The following CSMD1 variants were observed in gnomAD, a reference collection of about 807,000 sequenced individuals.
CSMD1 encodes the protein CUB and Sushi multiple domains 1, also known as CUB and sushi domain-containing protein 1.
In CSMD1, 213 loss-of-function variants were observed where a neutral mutation model predicts 417.5. The ratio of observed to expected loss-of-function variants is 0.51; its 90% CI spans 0.46 to 0.57. The LOEUF (loss-of-function observed/expected upper bound fraction) is 0.57, where lower values mean the gene tolerates loss of function less well. Ranked by LOEUF, CSMD1 falls within the 20% of genes least tolerant of loss-of-function variation. The pLI is 0.00. For synonymous variants in CSMD1, 2,862 were observed against 1,736.8 expected, an observed-to-expected ratio of 1.65 and a Z score of -16.11; for missense variants, 6,923 against 4,529.7, an observed-to-expected ratio of 1.53 and a Z score of -15.17.
At chr8:3,452,361 G>C (rs865959987) in intron 12 of CSMD1, among the ~76,000 whole-genome samples, 5 of 152,292 alleles carry the variant, frequency 3.3e-5, no homozygotes, top group African/African-American at 9.6e-5. Flanking sequence ...ATGTTGAATA[G>C]CAGTGGTGAG....
intron 29 of CSMD1, among the ~76,000 whole-genome samples, chr8:3,217,833 G>T (rs534162136): frequency 3.1e-4 from 47 of 152,020 alleles, no homozygotes; most frequent in Non-Finnish European, 3.1e-4. Context: ...TGAGGTAAGA[G>T]ACATAAAATA....
At chr8:4,618,828 C>G (rs1585339980) in intron 2 of CSMD1, among the ~76,000 whole-genome samples, 2 of 152,122 alleles carry the variant, frequency 1.3e-5, no homozygotes, top group Non-Finnish European at 2.9e-5. Context: ...ACAGGATCTT[C>G]CATCTTACCT....
intron 65 of CSMD1, among the ~76,000 whole-genome samples, chr8:2,953,606 A>G (rs1244692286): frequency 2.0e-5 from 3 of 152,226 alleles, no homozygotes; most frequent in Non-Finnish European, 4.4e-5. Context: ...TTATTTAAAA[A>G]TAATTTAAAT....
chr8:4,150,181 A>G (rs1331867473), intron 3 of CSMD1, among the ~76,000 whole-genome samples: 2 of 152,216 alleles, frequency 1.3e-5, no homozygotes, highest in Non-Finnish European at 2.9e-5. Context: ...GTATGTCCTG[A>G]GGCATCTGTC....
intron 3 of CSMD1, among the ~76,000 whole-genome samples, chr8:4,183,236 T>C (rs1291888221): frequency 6.6e-6 from 1 of 152,184 alleles, no homozygotes; most frequent in Non-Finnish European, 1.5e-5. Context: ...GAAGATCATC[T>C]CTAAGAAAAT....
intron 3 of CSMD1, among the ~76,000 whole-genome samples, chr8:4,284,070 T>C (rs758093834): frequency 3.3e-5 from 5 of 152,080 alleles, no homozygotes; most frequent in African/African-American, 7.2e-5. Flanking sequence ...TGGTCTCTAC[T>C]AAAAATACAA....
At chr8:4,648,585 AT>A (rs140709076) in intron 1 of CSMD1, among the ~76,000 whole-genome samples, 9 of 151,568 alleles carry the variant, frequency 5.9e-5, no homozygotes, top group African/African-American at 1.5e-4. Flanking sequence ...AAAAAATGTG[AT>A]TTTTTTTTGC....
chr8:3,720,620 T>TTCTCTCACACACACACAC (rs72331833), intron 6 of CSMD1, among the ~76,000 whole-genome samples: 69 of 143,416 alleles, frequency 4.8e-4, no homozygotes, highest in Non-Finnish European at 7.0e-4. Flanking sequence ...TCTTTATTCT[T>TTCTCTCACACACACACAC]ACACACACAC....
rs190466083 is a variant in CSMD1, at chr8:4,625,068, C to A, written c.302+12274G>T. Reference sequence around the variant, plus strand: ...GAAGAATGACAGTCACATTTTAAAACAAAGTGTTCCTTAATTGGATGGGTC... The same window carrying A: ...GAAGAATGACAGTCACATTTTAAAAAAAAGTGTTCCTTAATTGGATGGGTC... On this transcript the variant is annotated intron_variant, in intron 2 of 69. Transcript: ENST00000635120. Among the ~76,000 whole-genome samples, 366 of 152,196 alleles carry A rather than the reference C, an allele frequency of 2.4e-3. 1 individual carries two copies. Among genetic ancestry groups the A allele is most frequent in the Middle Eastern group, 0.017 (5 of 294 alleles).
intron 2 of CSMD1, among the ~76,000 whole-genome samples, chr8:4,634,338 G>A (rs957048624): frequency 6.6e-6 from 1 of 152,094 alleles, no homozygotes; most frequent in African/African-American, 2.4e-5. Context: ...TATATATTCT[G>A]TTTTGTCAGC....
chr8:4,953,385 G>A (rs757706573), intron 1 of CSMD1, among the ~76,000 whole-genome samples: 4 of 152,172 alleles, frequency 2.6e-5, no homozygotes, highest in East Asian at 3.9e-4. Flanking sequence ...AGGACTATGC[G>A]ATCAACACAT....
intron 5 of CSMD1, among the ~76,000 whole-genome samples, chr8:3,784,023 G>A (rs568875601): frequency 5.3e-5 from 8 of 152,130 alleles, no homozygotes; most frequent in African/African-American, 1.2e-4. Context: ...GTTTATCATC[G>A]TACAACATGC....
chr8:4,596,762 G>C (rs1800301526), intron 2 of CSMD1, among the ~76,000 whole-genome samples: 1 of 152,164 alleles, frequency 6.6e-6, no homozygotes, highest in Non-Finnish European at 1.5e-5. Flanking sequence ...GATATGGATT[G>C]GCTGTATCCC....
Position 4,609,221 on chromosome 8 carries a change from GA to G in CSMD1, c.302+28120del, listed in dbSNP as rs886256572. Reference sequence around the variant, plus strand: ...TCCAGACCAGCCTGGACAAGATGGTGAAACCCTGTATCTACAAAAAAATGAA... The same window carrying G: ...TCCAGACCAGCCTGGACAAGATGGTGAACCCTGTATCTACAAAAAAATGAA... On this transcript the variant is annotated intron_variant, in intron 2 of 69. Transcript: ENST00000635120. Among the ~76,000 whole-genome samples the G allele has an allele frequency of 5.2e-4, 79 of 152,286 alleles. 2 individuals are homozygous for G. Among genetic ancestry groups the G allele is most frequent in the Non-Finnish European group, 1.8e-4 (12 of 68,026 alleles).
At chr8:4,234,099 A>G (rs1585069101) in intron 3 of CSMD1, among the ~76,000 whole-genome samples, 1 of 152,234 alleles carries the variant, frequency 6.6e-6, no homozygotes, top group Admixed American at 6.5e-5. Context: ...CTACACAAGT[A>G]CATCAAGTGC....
At chr8:3,937,137 G>A (rs535753491) in intron 5 of CSMD1, among the ~76,000 whole-genome samples, 2 of 152,306 alleles carry the variant, frequency 1.3e-5, no homozygotes, top group South Asian at 2.1e-4. Context: ...TCTTATGGAT[G>A]AGCAAAGAAA....
chr8:3,755,836 G>C (rs954922367), intron 5 of CSMD1, among the ~76,000 whole-genome samples: 1 of 152,084 alleles, frequency 6.6e-6, no homozygotes, highest in African/African-American at 2.4e-5. Context: ...ACACTGCTCA[G>C]ATTTGCCTCT....
chr8:3,966,606 T>G (rs1052204361), intron 5 of CSMD1, among the ~76,000 whole-genome samples: 2 of 152,128 alleles, frequency 1.3e-5, no homozygotes, highest in Non-Finnish European at 2.9e-5. Flanking sequence ...CATGCACTAC[T>G]CATATTCATT....
intron 3 of CSMD1, among the ~76,000 whole-genome samples, chr8:4,239,549 T>C (rs1431687981): frequency 2.6e-5 from 4 of 152,176 alleles, no homozygotes; most frequent in Non-Finnish European, 5.9e-5. Flanking sequence ...AGTTCCAGCA[T>C]GTTATGTGCC....
Sources: allele counts gnomAD v4.1 joint callset (sites outside exome capture counted in the v4.1 genomes callset), GRCh38; gene constraint gnomAD v4.1.1; transcripts MANE v1.5; gene names NCBI Gene and HGNC (gene_info 2026-07-23, HGNC 2026-07-21).